Variants in MAGI1 observed in about 807,000 individuals in gnomAD.
MAGI1 encodes the protein membrane associated guanylate kinase, WW and PDZ domain containing 1.
A neutral mutation model predicts 139.9 loss-of-function variants in MAGI1; 58 were observed. The observed-to-expected ratio is 0.41, with a 90% CI of 0.34 to 0.52. MAGI1 has a LOEUF of 0.52. Ranked by LOEUF, MAGI1 falls within the 20% of genes least tolerant of loss-of-function variation. MAGI1 has a pLI of 0.12. For missense variants in MAGI1, 1,874 were observed against 1,901.6 expected, an observed-to-expected ratio of 0.99 and a Z score of 0.27; for synonymous variants, 812 against 737.9, an observed-to-expected ratio of 1.10 and a Z score of -1.63.
chr3:65,861,984 T>C (rs2108446171), intron 1 of MAGI1, among the ~76,000 whole-genome samples: 1 of 152,280 alleles, frequency 6.6e-6, no homozygotes, highest in East Asian at 1.9e-4. Flanking sequence ...ACAAAGACCA[T>C]GCCCTGTCTC....
chr3:65,934,261 A>T (rs1022818249), intron 1 of MAGI1, among the ~76,000 whole-genome samples: 4 of 145,898 alleles, frequency 2.7e-5, no homozygotes, highest in Non-Finnish European at 4.5e-5. Flanking sequence ...ATATTTTACC[A>T]TTTTTTTTTT....
chr3:65,388,790 T>C (rs752716231), intron 14 of MAGI1, among the ~76,000 whole-genome samples: 2 of 151,188 alleles, frequency 1.3e-5, no homozygotes, highest in African/African-American at 2.4e-5. Flanking sequence ...TCCGATTCCT[T>C]AGATGTTAAA....
chr3:65,475,151 C>T (rs760986915), intron 4 of MAGI1, among the ~76,000 whole-genome samples: 5 of 151,666 alleles, frequency 3.3e-5, no homozygotes, highest in Non-Finnish European at 7.4e-5. Context: ...TTTGATGTCT[C>T]TCAGAGGTGT....
intron 2 of MAGI1, among the ~76,000 whole-genome samples, chr3:65,620,327 A>G (rs1576502934): frequency 6.6e-6 from 1 of 152,298 alleles, no homozygotes; most frequent in East Asian, 1.9e-4. Context: ...AGAGTGAAAA[A>G]GACCAGATCT....
chr3:65,566,435 C>CT (rs149707172), intron 2 of MAGI1, among the ~76,000 whole-genome samples: 1,526 of 144,598 alleles, frequency 0.011, 11 homozygotes, highest in Non-Finnish European at 0.015. Flanking sequence ...TTTTGCTCAC[C>CT]TTTTTTTTTT....
chr3:65,827,873 G>A (rs1391819577), intron 1 of MAGI1, among the ~76,000 whole-genome samples: 8 of 151,982 alleles, frequency 5.3e-5, no homozygotes, highest in Admixed American at 5.2e-4. Flanking sequence ...CTAATTGCCT[G>A]CAGCAAAAAA....
intron 1 of MAGI1, among the ~76,000 whole-genome samples, chr3:66,018,343 C>T (rs1417521900): frequency 6.6e-6 from 1 of 152,162 alleles, no homozygotes; most frequent in African/African-American, 2.4e-5. Flanking sequence ...TACTCTAGTA[C>T]CCCAGAGGTG....
At chr3:65,629,509 C>T (rs906925369) in intron 1 of MAGI1, among the ~76,000 whole-genome samples, 2 of 150,832 alleles carry the variant, frequency 1.3e-5, no homozygotes, top group African/African-American at 4.9e-5. Context: ...TAGGAAAAGT[C>T]CATTTATTAG....
chr3:65,672,143 C>T (rs1422222206), intron 1 of MAGI1, among the ~76,000 whole-genome samples: 1 of 152,166 alleles, frequency 6.6e-6, no homozygotes, highest in Non-Finnish European at 1.5e-5. Flanking sequence ...GAAACCTTGA[C>T]TCCAAATGAC....
chr3:65,663,316 A>G (rs1430492392), intron 1 of MAGI1, among the ~76,000 whole-genome samples: 2 of 152,152 alleles, frequency 1.3e-5, no homozygotes, highest in African/African-American at 4.8e-5. Flanking sequence ...CAATTGCTAC[A>G]AAAACGTCTA....
rs9842187 is a variant in MAGI1 at position 65,509,480 on chromosome 3, C to T, written c.431-15849G>A. ...GCGCAAGCCGAAGCAGGGTGAGGCA[C>T]TGCCTCACTTGGGAAGCGCAAGGGG... On this transcript the variant is annotated intron_variant, in intron 2 of 22. Transcript: ENST00000402939. Among the ~76,000 whole-genome samples the T allele has an allele frequency of 2.2e-4, 33 of 152,314 alleles. No individual in the cohort carries two copies. The South Asian group carries it at 4.6e-3, about 21-fold the overall frequency.
chr3:65,667,482 C>G (rs2016933), intron 1 of MAGI1, among the ~76,000 whole-genome samples: 97,450 of 152,040 alleles, frequency 0.64, 33,107 homozygotes, highest in East Asian at 0.98. Context: ...GGAAGGAATG[C>G]CTGCGTGTGT....
chr3:65,921,255 T>G (rs1009383436), intron 1 of MAGI1, among the ~76,000 whole-genome samples: 13 of 152,062 alleles, frequency 8.5e-5, no homozygotes, highest in Admixed American at 3.9e-4. Context: ...CAAAAAAAAT[T>G]GATTTGAGAA....
At chr3:66,024,753 C>A (rs565168893) in intron 1 of MAGI1, among the ~76,000 whole-genome samples, 3 of 152,222 alleles carry the variant, frequency 2.0e-5, no homozygotes, top group Non-Finnish European at 4.4e-5. Context: ...TTGCAGTGAG[C>A]CAAGATCGCA....
intron 1 of MAGI1, among the ~76,000 whole-genome samples, chr3:65,811,196 T>C (rs1427516185): frequency 6.6e-6 from 1 of 152,216 alleles, no homozygotes; most frequent in African/African-American, 2.4e-5. Flanking sequence ...TCCTTGCATC[T>C]TGGCTCTTCA....
chr3:66,038,116 C>A lies in MAGI1; in HGVS notation c.193G>T (p.Gly65Cys). 6.2e-7 allele frequency: 1 copy of A among 1,612,706 alleles called. No homozygotes were observed. Among genetic ancestry groups the A allele is most frequent in the African/African-American group, 1.3e-5 (1 of 75,046 alleles). ...LPGGGEGPRL[G>C]EGELLLEVQG... ...ACCTCCAGAAGCAGCTCCCCTTCGCCCAGCCTCGGGCCCTCGCCGCCGCCG... is the reference window on the plus strand; with the variant it reads ...ACCTCCAGAAGCAGCTCCCCTTCGCACAGCCTCGGGCCCTCGCCGCCGCCG... The change falls in exon 1 of 23, where the codon GGC becomes TGC. Residue 65 changes from glycine (G) to cysteine (C), a missense_variant. Gly to Cys is a radical substitution (Grantham distance 159). This residue lies in a region of MAGI1 where 648 missense variants were observed against 598.1 expected (regional missense o/e 1.08). Coordinates refer to ENST00000402939, the MANE Select transcript of MAGI1 (RefSeq NM_001033057.2).
chr3:65,842,738 T>C (rs2108348225), intron 1 of MAGI1, among the ~76,000 whole-genome samples: 1 of 152,292 alleles, frequency 6.6e-6, no homozygotes, highest in South Asian at 2.1e-4. Flanking sequence ...TTCTCTATAA[T>C]TTGTTCCTTC....
chr3:65,542,489 AC>A (rs2079284224), intron 2 of MAGI1, among the ~76,000 whole-genome samples: 2 of 152,324 alleles, frequency 1.3e-5, no homozygotes, highest in Admixed American at 1.3e-4. Flanking sequence ...GCATGACACT[AC>A]CTGACTTCAA....
chr3:65,671,646 A>G (rs2086864073), intron 1 of MAGI1, among the ~76,000 whole-genome samples: 1 of 152,098 alleles, frequency 6.6e-6, no homozygotes, highest in Non-Finnish European at 1.5e-5. Flanking sequence ...ATAGTCCATC[A>G]TTTGTCACCA....
Sources: allele counts gnomAD v4.1 joint callset (sites outside exome capture counted in the v4.1 genomes callset), GRCh38; gene constraint gnomAD v4.1.1; regional missense constraint gnomAD v4.1.1; transcripts MANE v1.5; gene names NCBI Gene and HGNC (gene_info 2026-07-23, HGNC 2026-07-21).